Variants in PRKG1 observed in about 807,000 individuals in gnomAD.
PRKG1 encodes cGMP-dependent protein kinase 1.
Under a neutral mutation model 88.1 loss-of-function variants are expected in PRKG1, and 35 were observed. The observed-to-expected ratio is 0.40, with a 90% confidence interval of 0.30 to 0.53. PRKG1 has a LOEUF of 0.53. Ranked by LOEUF, PRKG1 falls within the 20% of genes least tolerant of loss-of-function variation. The pLI is 0.59. For synonymous variants in PRKG1, 303 were observed against 292.5 expected, an observed-to-expected ratio of 1.04 and a Z score of -0.37; for missense variants, 540 against 839.8, an observed-to-expected ratio of 0.64 and a Z score of 4.41.
At chr10:51,912,957 C>A (rs536194473) in intron 5 of PRKG1, among the ~76,000 whole-genome samples, 4 of 152,192 alleles carry the variant, frequency 2.6e-5, no homozygotes, top group Admixed American at 6.5e-5. Context: ...GAGATGAAAT[C>A]TCACTCTGTT....
At chr10:51,016,673 C>CTTCTTTCTTTTTTTTT (rs1564571435) in intron 1 of PRKG1, among the ~76,000 whole-genome samples, 1 of 35,184 alleles carries the variant, frequency 2.8e-5, no homozygotes, top group African/African-American at 1.4e-4. Flanking sequence ...ATTATCCTTT[C>CTTCTTTCTTTTTTTTT]TTTTTTTTTT....
chr10:51,761,016 G>A (rs575463816), intron 3 of PRKG1, among the ~76,000 whole-genome samples: 2 of 152,120 alleles, frequency 1.3e-5, no homozygotes, highest in East Asian at 2.0e-4. Context: ...GGGAGGCTGA[G>A]GCAGAAGAAT....
rs199947325 is a variant in PRKG1 at position 51,643,087 on chromosome 10, T to TA, written c.593-161492dup. On this transcript the variant is annotated intron_variant, in intron 3 of 17. Transcript: ENST00000373980. ...TAATGATAGACACTGTGATTTTTTT[T>TA]AAAAAATATGTTACTATTTGTTCAT... Among the ~76,000 whole-genome samples, 1,386 of 151,978 alleles carry TA rather than the reference T, an allele frequency of 9.1e-3. 26 individuals are homozygous for TA. The highest frequency in any genetic ancestry group is 0.031 in the African/African-American group (1,305 of 41,498).
At position 51,564,414 on chromosome 10, in the gene PRKG1, A is replaced by G. The variant is rs563476236; in HGVS notation, c.592+96578A>G. Among the ~76,000 whole-genome samples the G allele has an allele frequency of 1.6e-4, 24 of 152,192 alleles. No homozygotes were observed. The East Asian group carries it at 2.5e-3, about 16-fold the overall frequency. On this transcript the variant is annotated intron_variant, in intron 3 of 17. Transcript: ENST00000373980. ...GATTACAGCTTTTAAGGATGAAATC[A>G]GGGATGTATCACTGAAGAGGGACAG...
At chr10:51,746,024 T>G (rs1837568368) in intron 3 of PRKG1, among the ~76,000 whole-genome samples, 1 of 152,134 alleles carries the variant, frequency 6.6e-6, no homozygotes. Flanking sequence ...TTTGTTTGCT[T>G]TTTTAAATAG....
chr10:52,269,726 A>T (rs938343648), intron 10 of PRKG1, among the ~76,000 whole-genome samples: 1 of 152,084 alleles, frequency 6.6e-6, no homozygotes, highest in African/African-American at 2.4e-5. Context: ...CATCTTGAGG[A>T]TTCTGCTGCT....
intron 2 of PRKG1, among the ~76,000 whole-genome samples, chr10:51,461,189 A>C (rs1223132220): frequency 6.6e-6 from 1 of 152,150 alleles, no homozygotes; most frequent in Non-Finnish European, 1.5e-5. Flanking sequence ...AGATTTGCCT[A>C]ATCTAAGGAG....
In PRKG1 at chr10:51,502,315, C is replaced by A. The variant is rs185061463; in HGVS notation, c.592+34479C>A. Among the ~76,000 whole-genome samples, 62 of 152,194 alleles carry A rather than the reference C, an allele frequency of 4.1e-4. 1 individual carries two copies. Among genetic ancestry groups the A allele is most frequent in the African/African-American group, 1.4e-3 (59 of 41,542 alleles). On this transcript the variant is annotated intron_variant, in intron 3 of 17. Coordinates refer to ENST00000373980, the MANE Select transcript of PRKG1 (RefSeq NM_006258.4). ...TCCTATCCCTGGTGTCACTCAACTG[C>A]CTTTGGAGGCATTGCAGCATAGGTT...
At chr10:51,102,268 T>A (rs1191274576) in intron 1 of PRKG1, among the ~76,000 whole-genome samples, 3 of 152,316 alleles carry the variant, frequency 2.0e-5, no homozygotes, top group Middle Eastern at 3.4e-3. Flanking sequence ...TACTTTTAAA[T>A]AATGACAGTG....
intron 5 of PRKG1, among the ~76,000 whole-genome samples, chr10:52,048,905 A>G (rs1334953480): frequency 6.6e-6 from 1 of 152,166 alleles, no homozygotes; most frequent in African/African-American, 2.4e-5. Flanking sequence ...TTCAACAAAT[A>G]TATATTGAAT....
chr10:51,325,844 C>A (rs1433350870), intron 2 of PRKG1, among the ~76,000 whole-genome samples: 1 of 152,158 alleles, frequency 6.6e-6, no homozygotes. Flanking sequence ...CCTCAGGGGC[C>A]CAGTCTCAGC....
At chr10:51,902,779 G>A (rs576671430) in intron 4 of PRKG1, among the ~76,000 whole-genome samples, 1 of 152,230 alleles carries the variant, frequency 6.6e-6, no homozygotes, top group Non-Finnish European at 1.5e-5. Flanking sequence ...CATCCCATTA[G>A]TCATTAAAGT....
intron 7 of PRKG1, among the ~76,000 whole-genome samples, chr10:52,113,423 A>T (rs1417480543): frequency 6.6e-6 from 1 of 152,010 alleles, no homozygotes; most frequent in East Asian, 1.9e-4. Context: ...AAAAGAACAG[A>T]AGGGAGGGAG....
At chr10:51,436,616 A>G (rs544897481) in intron 2 of PRKG1, among the ~76,000 whole-genome samples, 2 of 152,178 alleles carry the variant, frequency 1.3e-5, no homozygotes, top group East Asian at 3.9e-4. Flanking sequence ...CTGAGAGCAC[A>G]CTAATCTCAA....
At chr10:51,731,131 G>T (rs546919661) in intron 3 of PRKG1, among the ~76,000 whole-genome samples, 3 of 152,244 alleles carry the variant, frequency 2.0e-5, no homozygotes, top group African/African-American at 7.2e-5. Flanking sequence ...ACTCCAGGGT[G>T]AGGCTCAGTC....
chr10:51,480,811 C>A (rs1484552378), intron 3 of PRKG1, among the ~76,000 whole-genome samples: 2 of 151,868 alleles, frequency 1.3e-5, no homozygotes, highest in African/African-American at 4.8e-5. Context: ...TAAATGTGGC[C>A]ATGAGATGTA....
chr10:51,764,331 G>A (rs369300459), intron 3 of PRKG1, among the ~76,000 whole-genome samples: 54 of 152,062 alleles, frequency 3.6e-4, no homozygotes, highest in African/African-American at 1.2e-3. Flanking sequence ...AGGTTTAAAA[G>A]TACAAAGTGA....
intron 1 of PRKG1, among the ~76,000 whole-genome samples, chr10:51,106,889 T>C (rs897275827): frequency 6.6e-6 from 1 of 152,134 alleles, no homozygotes; most frequent in African/African-American, 2.4e-5. Context: ...AGGGACACAA[T>C]AGTGAACAGA....
chr10:51,478,445 G>C (rs1248182991), intron 3 of PRKG1, among the ~76,000 whole-genome samples: 1 of 151,968 alleles, frequency 6.6e-6, no homozygotes, highest in African/African-American at 2.4e-5. Context: ...TGGCCCCCTT[G>C]ATGATTCAAA....
Sources: gnomAD v4.1 joint callset for allele counts (sites outside exome capture counted in the v4.1 genomes callset) on GRCh38, gnomAD v4.1.1 for gene constraint, MANE v1.5 for transcripts, NCBI Gene and HGNC (gene_info 2026-07-23, HGNC 2026-07-21) for gene names.